PDE1A: variants seen among roughly 807,000 people sequenced by gnomAD.
PDE1A encodes dual specificity calcium/calmodulin-dependent 3',5'-cyclic nucleotide phosphodiesterase 1A.
A neutral mutation model predicts 61.7 loss-of-function variants in PDE1A; 35 were observed. The ratio of observed to expected loss-of-function variants is 0.57; its 90% confidence interval spans 0.43 to 0.75. The LOEUF (loss-of-function observed/expected upper bound fraction) is 0.75. Among genes scored for constraint, PDE1A ranks in the 30% least tolerant of loss-of-function variants. The pLI is 0.00. For missense variants in PDE1A, 597 were observed against 630.6 expected, an observed-to-expected ratio of 0.95 and a Z score of 0.57; for synonymous variants, 232 against 213.2, an observed-to-expected ratio of 1.09 and a Z score of -0.77.
chr2:182,504,892 A>G (rs1357809382), intron 2 of PDE1A, among the ~76,000 whole-genome samples: 1 of 152,246 alleles, frequency 6.6e-6, no homozygotes, highest in Admixed American at 6.5e-5. Flanking sequence ...GTTCAATTAC[A>G]TTGGAAAACT....
the PDE1A span, among the ~76,000 whole-genome samples, chr2:182,598,174 T>G: frequency 2.6e-5 from 4 of 152,212 alleles, no homozygotes; most frequent in African/African-American, 4.8e-5. Context: ...GGAGTTTAAT[T>G]TATTCCTTCT....
chr2:182,364,401 T>G (rs563401698), intron 1 of PDE1A, among the ~76,000 whole-genome samples: 2 of 142,960 alleles, frequency 1.4e-5, no homozygotes, highest in Non-Finnish European at 1.5e-5. Context: ...TCTTAAACTC[T>G]ATCAATTTTA....
the PDE1A span, among the ~76,000 whole-genome samples, chr2:182,532,797 A>C: frequency 6.6e-6 from 1 of 151,558 alleles, no homozygotes; most frequent in Non-Finnish European, 1.5e-5. Flanking sequence ...AAATACAAAA[A>C]ATTATACGGG....
intron 1 of PDE1A, among the ~76,000 whole-genome samples, chr2:182,346,027 T>G (rs1183700417): frequency 6.6e-6 from 1 of 152,228 alleles, no homozygotes; most frequent in Non-Finnish European, 1.5e-5. Flanking sequence ...GTAGACAGCA[T>G]AAATGTTCCT....
chr2:182,567,075 A>AT, the PDE1A span, among the ~76,000 whole-genome samples: 1 of 152,194 alleles, frequency 6.6e-6, no homozygotes, highest in African/African-American at 2.4e-5. Flanking sequence ...TAGTTATAAC[A>AT]TTTTTTAAAT....
chr2:182,644,829 T>C, the PDE1A span, among the ~76,000 whole-genome samples: 1 of 152,038 alleles, frequency 6.6e-6, no homozygotes. Context: ...CACCAAGATG[T>C]TGGAACATAA....
the PDE1A span, among the ~76,000 whole-genome samples, chr2:182,613,451 T>A: frequency 0.4 from 60,711 of 151,508 alleles, 13,613 homozygotes; most frequent in East Asian, 0.58. Flanking sequence ...TAGTCCCAGC[T>A]ACTTCGGAGG....
intron 2 of PDE1A, among the ~76,000 whole-genome samples, chr2:182,257,845 T>C (rs1276050509): frequency 3.3e-5 from 5 of 152,166 alleles, no homozygotes. Context: ...AAGGGACCTC[T>C]ATGAAAGGGC....
chr2:182,596,082 C>G, the PDE1A span, among the ~76,000 whole-genome samples: 1 of 152,188 alleles, frequency 6.6e-6, no homozygotes, highest in Non-Finnish European at 1.5e-5. Flanking sequence ...ACAGCAACAA[C>G]AACAACCAAC....
intron 1 of PDE1A, among the ~76,000 whole-genome samples, chr2:182,292,186 T>C (rs974982642): frequency 6.9e-6 from 1 of 145,344 alleles, no homozygotes; most frequent in African/African-American, 2.6e-5. Context: ...TATAAGCTTC[T>C]GAAAGACCAG....
chr2:182,345,669 T>C (rs1355217736), intron 1 of PDE1A, among the ~76,000 whole-genome samples: 3 of 152,168 alleles, frequency 2.0e-5, no homozygotes. Flanking sequence ...TTAAACAGTC[T>C]TTGTAATGGT....
intron 13 of PDE1A, among the ~76,000 whole-genome samples, chr2:182,153,432 C>T (rs1690900470): frequency 6.6e-6 from 1 of 152,184 alleles, no homozygotes; most frequent in Admixed American, 6.5e-5. Context: ...GAGAAAACTA[C>T]TGTGAGCTCC....
chr2:182,185,923 G>T, exon 13 of PDE1A: 1 of 1,614,040 alleles, frequency 6.2e-7, no homozygotes, highest in Non-Finnish European at 8.5e-7. Flanking sequence ...ACCTCTCTTT[G>T]TTCTGCTGAA....
chr2:182,650,896 T>A, the PDE1A span, among the ~76,000 whole-genome samples: 7 of 152,260 alleles, frequency 4.6e-5, no homozygotes, highest in Non-Finnish European at 8.8e-5. Flanking sequence ...TCACAATGAC[T>A]TTTAAATATC....
At chr2:182,618,220 T>A in the PDE1A span, among the ~76,000 whole-genome samples, 211 of 152,300 alleles carry the variant, frequency 1.4e-3, 1 homozygote, top group Admixed American at 2.8e-3. Flanking sequence ...ATTTCACACA[T>A]CAGTAATATT....
chr2:182,513,056 A>G (rs763323335), intron 2 of PDE1A, among the ~76,000 whole-genome samples: 17 of 152,198 alleles, frequency 1.1e-4, no homozygotes, highest in Non-Finnish European at 2.5e-4. Context: ...ATTTTTCCCA[A>G]CCTCACTAGA....
At chr2:182,198,941 T>C (rs890733482) in intron 10 of PDE1A, among the ~76,000 whole-genome samples, 1 of 151,968 alleles carries the variant, frequency 6.6e-6, no homozygotes, top group Non-Finnish European at 1.5e-5. Flanking sequence ...ATATTGAGAA[T>C]TGAAATCGGA....
intron 1 of PDE1A, among the ~76,000 whole-genome samples, chr2:182,303,314 G>GT (rs1419329162): frequency 2.0e-5 from 3 of 152,118 alleles, no homozygotes; most frequent in Non-Finnish European, 4.4e-5. Context: ...CAGAATGGAC[G>GT]TTTTGTTAGC....
intron 7 of PDE1A, among the ~76,000 whole-genome samples, chr2:182,207,443 G>A (rs1028704639): frequency 6.6e-6 from 1 of 152,226 alleles, no homozygotes; most frequent in African/African-American, 2.4e-5. Flanking sequence ...GGTATCCGGT[G>A]AAAGCAATGT....
Sources: gnomAD v4.1 joint callset for allele counts (sites outside exome capture counted in the v4.1 genomes callset) on GRCh38, gnomAD v4.1.1 for gene constraint, MANE v1.5 for transcripts, NCBI Gene and HGNC (gene_info 2026-07-23, HGNC 2026-07-21) for gene names.